DENND10: variants seen among roughly 807,000 people sequenced by gnomAD.
DENND10 encodes DENN domain containing 10.
Under a neutral mutation model 43.6 loss-of-function variants are expected in DENND10, and 24 were observed. The ratio of observed to expected loss-of-function variants is 0.55; its 90% confidence interval spans 0.40 to 0.77. DENND10 has a LOEUF of 0.77. DENND10 is among the 30% of genes least tolerant of loss of function. The pLI, the probability that DENND10 is intolerant of heterozygous loss-of-function variation, is 0.00. For synonymous variants in DENND10, 125 were observed against 157.6 expected (o/e 0.79, Z 1.55); for missense variants, 303 against 429.9 (o/e 0.70, Z 2.61).
rs1353576739 is a variant in DENND10, at chr10:119,112,493, C to CTTT, written c.332+580_332+582dup. 2.2e-3 allele frequency among the ~76,000 whole-genome samples: 288 copies of CTTT among 133,508 alleles called. 4 individuals are homozygous for CTTT. The highest frequency in any genetic ancestry group is 7.6e-3 in the African/African-American group (272 of 35,760). 87.6% of individuals were successfully genotyped at this position (133,508 alleles called of 152,430 possible). A position where few individuals can be genotyped will look rare whatever the true frequency, so the allele number is the denominator to read the frequency against. ...TTCTTTTCTTTTTCTTTTTCTTTTT[C>CTTT]TTTTTTTTTTTTTTTTTGAGACAGG... On this transcript the variant is annotated intron_variant, in intron 3 of 8. Coordinates refer to ENST00000361432, the MANE Select transcript of DENND10 (RefSeq NM_207009.4).
chr10:119,109,340 T>A (rs1186630727), intron 2 of DENND10, among the ~76,000 whole-genome samples: 2 of 152,036 alleles, frequency 1.3e-5, no homozygotes, highest in Non-Finnish European at 2.9e-5. Flanking sequence ...TAGGATGTAA[T>A]CGTGGACTTT....
At chr10:119,115,898 G>A (rs948996526) in intron 3 of DENND10, among the ~76,000 whole-genome samples, 14 of 151,634 alleles carry the variant, frequency 9.2e-5, no homozygotes, top group Non-Finnish European at 1.9e-4. Flanking sequence ...CAAGTAGCTG[G>A]GATTACAGGT....
At chr10:119,123,683 C>T in intron 6 of DENND10, 114 bp downstream of exon 6, 1 of 777,924 alleles carries the variant, frequency 1.3e-6, no homozygotes, top group Admixed American at 2.3e-5. Flanking sequence ...GATCTTAGCT[C>T]ACCGCAACGT....
At chr10:119,131,131 T>TA (rs2133529791) in intron 7 of DENND10, among the ~76,000 whole-genome samples, 1 of 152,342 alleles carries the variant, frequency 6.6e-6, no homozygotes, top group African/African-American at 2.4e-5. Context: ...AAGGGTGTAC[T>TA]AGTGTTAGAG....
At chr10:119,129,719 C>T (rs1845999597) in intron 7 of DENND10, 97 bp downstream of exon 7, 4 of 790,184 alleles carry the variant, frequency 5.1e-6, no homozygotes, top group Non-Finnish European at 8.8e-6. Context: ...GGCTGGCTTA[C>T]CAACTCTGCT....
At chr10:119,119,738 A>T (rs10886390) in intron 4 of DENND10, among the ~76,000 whole-genome samples, 50,351 of 147,700 alleles carry the variant, frequency 0.34, 9,304 homozygotes, top group Non-Finnish European at 0.42. Flanking sequence ...TTTTTTTTTT[A>T]AATCAGGAAG....
chr10:119,119,093 A>G (rs1054245898), intron 4 of DENND10, among the ~76,000 whole-genome samples: 5 of 145,810 alleles, frequency 3.4e-5, no homozygotes, highest in African/African-American at 1.3e-4. Context: ...GGCTCACCGC[A>G]TCCTCCGCCT....
rs397845392 is a variant in DENND10, at chr10:119,115,382, A to ATTT, written c.333-2116_333-2114dup. Among the ~76,000 whole-genome samples the ATTT allele has an allele frequency of 3.5e-4, 17 of 48,416 alleles. 1 individual carries two copies. The South Asian group carries it at 5.4e-3, about 15-fold the overall frequency. The allele number at this position is 48,416 out of a possible 152,430, so 31.8% of individuals were successfully genotyped here. ...CGTCAAGTTGTGAATTGAATTGGTA[A>ATTT]TTTTTTTTTTTTTTTTTTTTTTTGA... On this transcript the variant is annotated intron_variant, in intron 3 of 8. Transcript: ENST00000361432.
At chr10:119,108,490 AAAAAAAAAG>A (rs200245954) in intron 2 of DENND10, among the ~76,000 whole-genome samples, 51,135 of 148,164 alleles carry the variant, frequency 0.35, 9,062 homozygotes, top group Non-Finnish European at 0.39. Flanking sequence ...TCAAAAAAAA[AAAAAAAAAG>A]AAAAGAAAAT....
intron 6 of DENND10, among the ~76,000 whole-genome samples, chr10:119,123,914 G>A (rs572352947): frequency 1.3e-5 from 2 of 149,332 alleles, no homozygotes; most frequent in South Asian, 2.1e-4. Flanking sequence ...AATTGTGGCC[G>A]GGAGCGGTAG....
In DENND10 at chr10:119,123,467, AG is replaced by A; in HGVS notation, c.594del. 4 of 1,613,024 alleles carry A rather than the reference AG, an allele frequency of 2.5e-6. No homozygotes were observed. The highest frequency in any genetic ancestry group is 3.4e-6 in the Non-Finnish European group (4 of 1,179,090). ...ACTTGAGTTCTTGCCTTGATTCCCC[AG>A]GACTCTGCCTGCCCTGGTGTGGCAC... On this transcript the variant is annotated splice_acceptor_variant, in intron 5 of 8. Coordinates refer to ENST00000361432, the MANE Select transcript of DENND10 (RefSeq NM_207009.4). LOFTEE classifies it high-confidence loss of function.
chr10:119,123,409 C>A, intron 5 of DENND10, 60 bp from the exon 6 acceptor site: 2 of 1,209,380 alleles, frequency 1.7e-6, no homozygotes, highest in Non-Finnish European at 2.4e-6. Context: ...GAGAAGGGGG[C>A]AGGCTGAGTC....
intron 2 of DENND10, among the ~76,000 whole-genome samples, chr10:119,108,811 C>T (rs913766020): frequency 4.6e-5 from 7 of 151,634 alleles, no homozygotes; most frequent in Non-Finnish European, 1.5e-5. Flanking sequence ...CCCACCATCA[C>T]GCCTGGCTAA....
At chr10:119,112,014 A>G (rs764966204) in intron 3 of DENND10, 86 bp downstream of exon 3, 12 of 998,944 alleles carry the variant, frequency 1.2e-5, no homozygotes, top group Admixed American at 1.8e-5. Flanking sequence ...CTGAGAAAGC[A>G]AAGTTCAGCC....
At chr10:119,122,461 G>A (rs1251345383) in intron 5 of DENND10, among the ~76,000 whole-genome samples, 2 of 152,180 alleles carry the variant, frequency 1.3e-5, no homozygotes, top group Non-Finnish European at 2.9e-5. Flanking sequence ...CACTTTAGAA[G>A]TTATTATTGT....
intron 6 of DENND10, among the ~76,000 whole-genome samples, chr10:119,124,391 A>AG (rs1845731337): frequency 6.9e-6 from 1 of 145,312 alleles, no homozygotes; most frequent in African/African-American, 2.6e-5. Flanking sequence ...AAAAAAAAAA[A>AG]TTAGCCGGGT....
chr10:119,113,652 T>C (rs187536376), intron 3 of DENND10, among the ~76,000 whole-genome samples: 194 of 150,608 alleles, frequency 1.3e-3, no homozygotes, highest in African/African-American at 4.6e-3. Context: ...CTTTTGGCTA[T>C]TTTTGTGCGT....
chr10:119,131,500 C>G (rs1175389065), intron 7 of DENND10, among the ~76,000 whole-genome samples: 1 of 152,128 alleles, frequency 6.6e-6, no homozygotes, highest in Non-Finnish European at 1.5e-5. Context: ...ATTACAGCTA[C>G]ATAAAGTAGA....
intron 6 of DENND10, 118 bp downstream of exon 6, chr10:119,123,687 G>A (rs1019612333): frequency 2.0e-5 from 15 of 746,798 alleles, no homozygotes; most frequent in Non-Finnish European, 2.7e-5. Flanking sequence ...TTAGCTCACC[G>A]CAACGTCCGC....
Sources: gnomAD v4.1 joint callset for allele counts (sites outside exome capture counted in the v4.1 genomes callset) on GRCh38, gnomAD v4.1.1 for gene constraint, MANE v1.5 for transcripts, NCBI Gene and HGNC (gene_info 2026-07-23, HGNC 2026-07-21) for gene names.